The following RIGI variants were observed in gnomAD, a reference collection of about 807,000 sequenced individuals.
RIGI encodes RNA sensor RIG-I.
chr9:32,474,581 C>G, the RIGI span, among the ~76,000 whole-genome samples: 1 of 152,322 alleles, frequency 6.6e-6, no homozygotes, highest in South Asian at 2.1e-4. Flanking sequence ...ATCTGCTGGT[C>G]TGTGAGATGG....
At chr9:32,502,978 C>G in the RIGI span, among the ~76,000 whole-genome samples, 1 of 152,188 alleles carries the variant, frequency 6.6e-6, no homozygotes, top group Non-Finnish European at 1.5e-5. Context: ...TTCTGAAGTA[C>G]TGGGGTTTAG....
the RIGI span, chr9:32,489,520 C>G: frequency 2.3e-6 from 2 of 873,210 alleles, no homozygotes; most frequent in Admixed American, 2.4e-5. Context: ...TAGCTACAGT[C>G]TAATGTCCAC....
At chr9:32,522,643 A>G in the RIGI span, among the ~76,000 whole-genome samples, 1 of 152,216 alleles carries the variant, frequency 6.6e-6, no homozygotes, top group Non-Finnish European at 1.5e-5. Flanking sequence ...AGCGGGGAAC[A>G]GTAATGATAC....
At chr9:32,488,988 T>A in the RIGI span, 1 of 895,374 alleles carries the variant, frequency 1.1e-6, no homozygotes, top group Non-Finnish European at 1.6e-6. Flanking sequence ...CTGAGCTGAC[T>A]AATTAATTGA....
the RIGI span, chr9:32,487,768 C>G: frequency 8.2e-7 from 1 of 1,223,954 alleles, no homozygotes; most frequent in Non-Finnish European, 1.1e-6. Flanking sequence ...CACATGGAGG[C>G]ACATAATGCA....
the RIGI span, among the ~76,000 whole-genome samples, chr9:32,479,057 A>G: frequency 6.6e-6 from 1 of 152,156 alleles, no homozygotes; most frequent in African/African-American, 2.4e-5. Flanking sequence ...TTGTTGTTTC[A>G]TCTTTATCTT....
the RIGI span, among the ~76,000 whole-genome samples, chr9:32,465,007 G>A: frequency 4.6e-5 from 7 of 152,168 alleles, no homozygotes; most frequent in Admixed American, 2.6e-4. Context: ...TTACTCTGTT[G>A]CTTCTGTCAC....
the RIGI span, chr9:32,487,686 C>A: frequency 6.3e-7 from 1 of 1,588,216 alleles, no homozygotes; most frequent in South Asian, 1.1e-5. Flanking sequence ...ACAATGTTTC[C>A]ACAACCCCTC....
chr9:32,524,596 GTTTTTT>G, the RIGI span, among the ~76,000 whole-genome samples: 67 of 67,576 alleles, frequency 9.9e-4, no homozygotes, highest in African/African-American at 2.3e-3. Context: ...TTGTTTTTCG[GTTTTTT>G]TTTTTTTTTT....
the RIGI span, among the ~76,000 whole-genome samples, chr9:32,519,486 C>A: frequency 6.6e-6 from 1 of 151,934 alleles, no homozygotes; most frequent in Admixed American, 6.6e-5. Flanking sequence ...AGATTCCTGG[C>A]AAAAAATAAT....
the RIGI span, among the ~76,000 whole-genome samples, chr9:32,494,683 TCTC>T: frequency 6.6e-6 from 1 of 152,170 alleles, no homozygotes; most frequent in Non-Finnish European, 1.5e-5. Context: ...TTCCTTTTTC[TCTC>T]CTCACCCCTG....
At chr9:32,517,586 T>C in the RIGI span, among the ~76,000 whole-genome samples, 1 of 152,210 alleles carries the variant, frequency 6.6e-6, no homozygotes, top group Non-Finnish European at 1.5e-5. Context: ...AGCATACATT[T>C]TTGTCTCGGC....
At chr9:32,500,751 T>G in the RIGI span, 1 of 1,580,742 alleles carries the variant, frequency 6.3e-7, no homozygotes, top group South Asian at 1.2e-5. Flanking sequence ...TTTACAGTAT[T>G]GTCAAGCAGC....
At chr9:32,526,034 CG>C in the RIGI span, 1 of 1,565,684 alleles carries the variant, frequency 6.4e-7, no homozygotes, top group South Asian at 1.1e-5. Flanking sequence ...TGTTTTCCGC[CG>C]AGAAGGCGCC....
At chr9:32,487,498 C>G in the RIGI span, 6 of 1,614,036 alleles carry the variant, frequency 3.7e-6, no homozygotes, top group South Asian at 1.1e-5. Flanking sequence ...ACAACTTGCT[C>G]CAGTTCCTCC....
chr9:32,464,413 G>A, the RIGI span, among the ~76,000 whole-genome samples: 5 of 151,808 alleles, frequency 3.3e-5, no homozygotes, highest in African/African-American at 4.8e-5. Flanking sequence ...TTTTTGAGAC[G>A]GAGTCTTACT....
the RIGI span, among the ~76,000 whole-genome samples, chr9:32,480,685 C>T: frequency 7.9e-5 from 12 of 152,288 alleles, no homozygotes; most frequent in East Asian, 1.3e-3. Flanking sequence ...CATCAACCTG[C>T]CTCATAATTC....
the RIGI span, chr9:32,480,488 TAAAGATGAATGGCCTCTA>T: frequency 2.1e-5 from 17 of 824,712 alleles, no homozygotes; most frequent in South Asian, 5.4e-4. Context: ...CTTAGCTTTT[TAAAGATGAATGGCCTCTA>T]ACAGTTATGT....
At chr9:32,507,450 CTTA>C in the RIGI span, among the ~76,000 whole-genome samples, 1 of 152,002 alleles carries the variant, frequency 6.6e-6, no homozygotes, top group Non-Finnish European at 1.5e-5. Context: ...ATAAAGATAT[CTTA>C]TAATTCCCAT....
Sources: allele counts gnomAD v4.1 joint callset (sites outside exome capture counted in the v4.1 genomes callset), GRCh38; gene constraint gnomAD v4.1.1; transcripts MANE v1.5; gene names NCBI Gene and HGNC (gene_info 2026-07-23, HGNC 2026-07-21).